Variants in GSTZ1 observed in about 807,000 individuals in gnomAD.
The protein encoded by GSTZ1 is glutathione S-transferase zeta 1, also known as maleylacetoacetate isomerase.
Under a neutral mutation model 35.9 loss-of-function variants are expected in GSTZ1, and 34 were observed. That is an observed-to-expected ratio of 0.95 (90% CI 0.72 to 1.26). GSTZ1 has a LOEUF of 1.26. Ranked by LOEUF, GSTZ1 falls within the 50% of genes most tolerant of loss-of-function variation. The pLI, the probability that GSTZ1 is intolerant of heterozygous loss-of-function variation, is 0.00. For missense variants in GSTZ1, 263 were observed against 271.7 expected (o/e 0.97, Z 0.23); for synonymous variants, 93 against 101.2 (o/e 0.92, Z 0.49).
chr14:77,330,078 C>A, intron 7 of GSTZ1: 1 of 681,422 alleles, frequency 1.5e-6, no homozygotes. Flanking sequence ...CTCTGGCCCT[C>A]TCAACCCACA....
At chr14:77,329,585 C>G (rs1249672076) in intron 6 of GSTZ1, 170 bp from the exon 7 acceptor site, 1 of 633,228 alleles carries the variant, frequency 1.6e-6, no homozygotes, top group Non-Finnish European at 2.8e-6. Flanking sequence ...GAAACAGCAG[C>G]TCATCCCTAA....
chr14:77,322,356 G>A (rs890625982), intron 1 of GSTZ1, among the ~76,000 whole-genome samples: 2 of 152,212 alleles, frequency 1.3e-5, no homozygotes, highest in Non-Finnish European at 2.9e-5. Flanking sequence ...GTTATCACTG[G>A]TAAGAGAAGG....
chr14:77,330,436 T>A (rs1230335446), intron 8 of GSTZ1, 77 bp downstream of exon 8: 19 of 1,192,848 alleles, frequency 1.6e-5, no homozygotes, highest in Non-Finnish European at 2.3e-5. Context: ...CGAGATAGCA[T>A]CTCATGCAGA....
Position 77,331,273 on chromosome 14 carries a change from CTTAA to C in GSTZ1, c.*81_*84del. On this transcript the variant is annotated 3_prime_UTR_variant, in exon 9 of 9. Coordinates refer to ENST00000216465, the MANE Select transcript of GSTZ1 (RefSeq NM_145870.3). The stretch of plus-strand genomic sequence containing the variant: ...GCTGAAGAGGCCTGGAAACGAGAGT[CTTAA>C]TTGAGGAGATGGGAGACTCGAACTC... 7.3e-6 allele frequency: 11 copies of C among 1,497,260 alleles called. No individual in the cohort carries two copies. Among genetic ancestry groups the C allele is most frequent in the Non-Finnish European group, 9.0e-6 (10 of 1,110,184 alleles). The allele number at this position is 1,497,260 out of a possible 1,614,324, so 92.7% of individuals were successfully genotyped here.
chr14:77,325,403 G>T, intron 2 of GSTZ1: 1 of 193,422 alleles, frequency 5.2e-6, no homozygotes, highest in Middle Eastern at 2.3e-3. Context: ...CTTTGGCAAA[G>T]GTCATAACCA....
chr14:77,328,080 T>A (rs373820872), intron 5 of GSTZ1, 43 bp downstream of exon 5: 51 of 1,607,378 alleles, frequency 3.2e-5, no homozygotes, highest in Non-Finnish European at 4.2e-5. Context: ...CCTGACACAC[T>A]CTTACACTCA....
chr14:77,326,185 A>T (rs1245397710), intron 2 of GSTZ1: 1 of 152,228 alleles, frequency 6.6e-6, no homozygotes, highest in Non-Finnish European at 1.5e-5. Context: ...TTTTACCCTC[A>T]GCTTGCCAGG....
In GSTZ1 at chr14:77,321,324, C is replaced by T. The variant is rs1308762672; in HGVS notation, c.15+141C>T. On this transcript the variant is annotated intron_variant, in intron 1 of 8. Coordinates refer to ENST00000216465, the MANE Select transcript of GSTZ1 (RefSeq NM_145870.3). ...AGTGCTTTGCGCCGGGCACGCTCTG[C>T]GCCTGCGTGCTGCGCGCTGCCCGCT... The T allele has an allele frequency of 5.9e-6, 9 of 1,528,398 alleles. No individual in the cohort carries two copies. In the African/African-American group the frequency reaches 6.9e-5, roughly 12 times the overall value. The allele number at this position is 1,528,398 out of a possible 1,614,324, so 94.7% of individuals were successfully genotyped here. A position where few individuals can be genotyped will look rare whatever the true frequency, so the allele number is the denominator to read the frequency against.
At chr14:77,321,685 C>T (rs1416987717) in intron 1 of GSTZ1, 4 of 303,346 alleles carry the variant, frequency 1.3e-5, no homozygotes, top group Non-Finnish European at 2.4e-5. Context: ...AGATAGAGAC[C>T]ATCCTGGCTA....
intron 1 of GSTZ1, chr14:77,323,310 G>C (rs758901870): frequency 1.6e-4 from 24 of 152,048 alleles, no homozygotes; most frequent in Non-Finnish European, 3.2e-4. Flanking sequence ...AACAGGTGTT[G>C]TATATAAAAT....
chr14:77,329,843 A>C, intron 7 of GSTZ1, 36 bp downstream of exon 7: 1 of 1,512,406 alleles, frequency 6.6e-7, no homozygotes, highest in Non-Finnish European at 9.2e-7. Flanking sequence ...GCCCAGCCAC[A>C]GTGGCTGCCT....
Position 77,321,085 on chromosome 14 carries a change from T to C in GSTZ1, c.-84T>C. On this transcript the variant is annotated 5_prime_UTR_variant, in exon 1 of 9. Coordinates refer to ENST00000216465, the MANE Select transcript of GSTZ1 (RefSeq NM_145870.3). The stretch of plus-strand genomic sequence containing the variant: ...GGACGAAAGACACGGGCCTGATTCG[T>C]CGAGTCTCACTGAGCCTTAGTCGTC... 1 of 1,325,404 alleles carries C rather than the reference T, an allele frequency of 7.5e-7. No homozygotes were observed. The highest frequency in any genetic ancestry group is 1.0e-6 in the Non-Finnish European group (1 of 991,492). 82.1% of individuals were successfully genotyped at this position (1,325,404 alleles called of 1,614,324 possible).
At chr14:77,322,678 T>G (rs943901883) in intron 1 of GSTZ1, 10 of 985,478 alleles carry the variant, frequency 1.0e-5, no homozygotes, top group Non-Finnish European at 1.1e-5. Context: ...GAAAGACACT[T>G]TCTGCCCATC....
chr14:77,329,258 G>GAGGGC, intron 6 of GSTZ1, 57 bp downstream of exon 6: 2 of 1,103,998 alleles, frequency 1.8e-6, no homozygotes, highest in Non-Finnish European at 2.8e-6. Flanking sequence ...TATGGCCCTC[G>GAGGGC]CACACAGGGG....
intron 5 of GSTZ1, chr14:77,328,311 G>C: frequency 1.3e-5 from 6 of 477,930 alleles, no homozygotes; most frequent in Non-Finnish European, 2.3e-5. Context: ...TGGCAGGGGA[G>C]AGACTGAGCA....
At chr14:77,329,093 G>T in intron 5 of GSTZ1, 30 bp from the exon 6 acceptor site, 1 of 1,512,608 alleles carries the variant, frequency 6.6e-7, no homozygotes, top group Non-Finnish European at 9.2e-7. Flanking sequence ...AGCTGTCAGC[G>T]CAATCACAGA....
intron 1 of GSTZ1, chr14:77,321,444 C>G: frequency 1.3e-6 from 2 of 1,520,712 alleles, no homozygotes; most frequent in Non-Finnish European, 8.8e-7. Context: ...CGCTTCACTT[C>G]TGCTCCGCCC....
rs555104375 is a variant in GSTZ1 at position 77,323,544 on chromosome 14, T to C, written c.16-1326T>C. ...GTTTAGCCATGTTGTTTCGCCATGTTGGCCAGGCTGGTCTCGAACTCCTGA... is the reference window on the plus strand; with the variant it reads ...GTTTAGCCATGTTGTTTCGCCATGTCGGCCAGGCTGGTCTCGAACTCCTGA... On this transcript the variant is annotated intron_variant, in intron 1 of 8. Transcript: ENST00000216465. The C allele has an allele frequency of 2.0e-5, 3 of 152,330 alleles. No individual in the cohort carries two copies. In the East Asian group the frequency reaches 5.8e-4, roughly 29 times the overall value. The allele number at this position is 152,330 out of a possible 1,614,324, so 9.4% of individuals were successfully genotyped here. A position where few individuals can be genotyped will look rare whatever the true frequency, so the allele number is the denominator to read the frequency against.
At position 77,321,152 on chromosome 14, in the gene GSTZ1, G is replaced by A. The variant is rs377246187; in HGVS notation, c.-17G>A. On this transcript the variant is annotated 5_prime_UTR_variant, in exon 1 of 9. Coordinates refer to ENST00000216465, the MANE Select transcript of GSTZ1 (RefSeq NM_145870.3). Reference sequence around the variant, plus strand: ...GAAGTTTCTCGGCCTGGAGGAGGGGGTCGCGCGAAGTGCCAGATGCAGGCG... The same window carrying A: ...GAAGTTTCTCGGCCTGGAGGAGGGGATCGCGCGAAGTGCCAGATGCAGGCG... 1 of 1,454,398 alleles carries A rather than the reference G, an allele frequency of 6.9e-7. No homozygotes were observed. The allele number at this position is 1,454,398 out of a possible 1,614,324, so 90.1% of individuals were successfully genotyped here.
Sources: allele counts gnomAD v4.1 joint callset (sites outside exome capture counted in the v4.1 genomes callset), GRCh38; gene constraint gnomAD v4.1.1; transcripts MANE v1.5; gene names NCBI Gene and HGNC (gene_info 2026-07-23, HGNC 2026-07-21).